Variants in PLCG2 observed in about 807,000 individuals in gnomAD.
The protein encoded by PLCG2 is phospholipase C gamma 2, also known as 1-phosphatidylinositol 4,5-bisphosphate phosphodiesterase gamma-2.
Under a neutral mutation model 175.6 loss-of-function variants are expected in PLCG2, and 69 were observed. The ratio of observed to expected loss-of-function variants is 0.39; its 90% CI spans 0.32 to 0.48. PLCG2 has a LOEUF of 0.48. Ranked by LOEUF, PLCG2 falls within the 20% of genes least tolerant of loss-of-function variation. PLCG2 has a pLI of 0.91. For missense variants in PLCG2, 1,798 were observed against 1,650.9 expected (o/e 1.09, Z -1.54); for synonymous variants, 827 against 624.0 (o/e 1.33, Z -4.85).
intron 31 of PLCG2, among the ~76,000 whole-genome samples, chr16:81,952,947 G>C (rs890895793): frequency 1.3e-5 from 2 of 152,172 alleles, no homozygotes; most frequent in Non-Finnish European, 2.9e-5. Context: ...ATCTTAATCA[G>C]ATGATCAACG....
chr16:81,811,525 C>T (rs1165144513), intron 2 of PLCG2, among the ~76,000 whole-genome samples: 2 of 152,024 alleles, frequency 1.3e-5, no homozygotes. Flanking sequence ...CTCTAGTCCC[C>T]CAACCCCTAA....
chr16:81,813,215 A>G (rs996974248), intron 2 of PLCG2, among the ~76,000 whole-genome samples: 9 of 152,210 alleles, frequency 5.9e-5, no homozygotes, highest in African/African-American at 1.2e-4. Flanking sequence ...AAGAAAGTCA[A>G]TGATAGCTTG....
chr16:81,925,884 T>G, intron 22 of PLCG2, among the ~76,000 whole-genome samples: 1 of 16,228 alleles, frequency 6.2e-5, no homozygotes. Flanking sequence ...AGACTCTGTC[T>G]CAAAAAAAAA....
intron 2 of PLCG2, among the ~76,000 whole-genome samples, chr16:81,769,077 T>C (rs770813310): frequency 2.6e-5 from 4 of 152,184 alleles, no homozygotes; most frequent in Non-Finnish European, 5.9e-5. Flanking sequence ...TGAATGAATT[T>C]CTTGACTGCA....
rs1460731393 is a variant in PLCG2, at chr16:81,750,663, A to T, written c.-144-5207A>T. ...TTAAAAAGCAGAATGGGGACTGGAG[A>T]TTTTTTTTTTTTTTTTTTTTTTGAG... On this transcript the variant is annotated intron_variant, in intron 1 of 5. Coordinates refer to the PLCG2 transcript ENST00000565054. Among the ~76,000 whole-genome samples, 48 of 68,460 alleles carry T rather than the reference A, an allele frequency of 7.0e-4. 2 individuals carry two copies. Among genetic ancestry groups the T allele is most frequent in the South Asian group, 1.4e-3 (2 of 1,432 alleles). 44.9% of individuals were successfully genotyped at this position (68,460 alleles called of 152,430 possible). A position where few individuals can be genotyped will look rare whatever the true frequency, so the allele number is the denominator to read the frequency against.
chr16:81,857,709 T>C (rs1458598896), intron 3 of PLCG2, among the ~76,000 whole-genome samples: 1 of 152,148 alleles, frequency 6.6e-6, no homozygotes, highest in Non-Finnish European at 1.5e-5. Context: ...TAAACCTAAA[T>C]ACCTCACAAA....
At chr16:81,800,460 G>A (rs1291897730) in intron 2 of PLCG2, among the ~76,000 whole-genome samples, 1 of 152,166 alleles carries the variant, frequency 6.6e-6, no homozygotes, top group Non-Finnish European at 1.5e-5. Context: ...TTGAGAACAT[G>A]CAGTGTTTGG....
At chr16:81,908,903 C>G (rs1016532278) in intron 17 of PLCG2, among the ~76,000 whole-genome samples, 22 of 152,336 alleles carry the variant, frequency 1.4e-4, no homozygotes, top group Admixed American at 7.8e-4. Flanking sequence ...ATGATGTGGT[C>G]TCACTCACTT....
intron 1 of PLCG2, among the ~76,000 whole-genome samples, chr16:81,746,306 G>A (rs1247085177): frequency 6.6e-6 from 1 of 152,220 alleles, no homozygotes; most frequent in African/African-American, 2.4e-5. Context: ...TGCCTTGAGT[G>A]CTTGAGTTTT....
rs1309385420 is a variant in PLCG2, at chr16:81,960,596, G to C, written c.*2598G>C. The C allele has an allele frequency of 4.3e-6, 1 of 231,814 alleles. No individual in the cohort carries two copies. Among genetic ancestry groups the C allele is most frequent in the East Asian group, 6.1e-5 (1 of 16,404 alleles). The allele number at this position is 231,814 out of a possible 1,614,324, so 14.4% of individuals were successfully genotyped here. On this transcript the variant is annotated 3_prime_UTR_variant, in exon 33 of 33. Coordinates refer to ENST00000564138, the MANE Select transcript of PLCG2 (RefSeq NM_002661.5). The stretch of plus-strand genomic sequence containing the variant: ...TAGATGTGCAGGAGTGAAAGGTGTA[G>C]AGGGTCTTGTTTTCCAAATTCGATC...
intron 2 of PLCG2, among the ~76,000 whole-genome samples, chr16:81,850,368 A>G (rs888364750): frequency 6.6e-6 from 1 of 152,232 alleles, no homozygotes; most frequent in African/African-American, 2.4e-5. Context: ...AACAAACAAA[A>G]AAGTTTCAGT....
intron 2 of PLCG2, among the ~76,000 whole-genome samples, chr16:81,847,537 C>T (rs1415217378): frequency 1.3e-5 from 2 of 152,044 alleles, no homozygotes; most frequent in African/African-American, 2.4e-5. Flanking sequence ...CAAAAAGATA[C>T]TTATCACTGC....
chr16:81,760,469 G>A (rs1910014623), intron 2 of PLCG2, among the ~76,000 whole-genome samples: 2 of 152,178 alleles, frequency 1.3e-5, no homozygotes, highest in South Asian at 2.1e-4. Context: ...GGGCAGAGCT[G>A]AGCGTCCCTA....
At chr16:81,917,109 A>T (rs1381356296) in intron 19 of PLCG2, among the ~76,000 whole-genome samples, 1 of 152,136 alleles carries the variant, frequency 6.6e-6, no homozygotes, top group Non-Finnish European at 1.5e-5. Flanking sequence ...CCGTGAGTTT[A>T]AACCTTTTTA....
chr16:81,852,641 G>A (rs1458386263), intron 2 of PLCG2, among the ~76,000 whole-genome samples: 3 of 152,154 alleles, frequency 2.0e-5, no homozygotes, highest in South Asian at 2.1e-4. Flanking sequence ...GTTGCAGAAC[G>A]GAAGGATTTC....
chr16:81,763,010 T>A (rs764208619), intron 2 of PLCG2, among the ~76,000 whole-genome samples: 4 of 152,178 alleles, frequency 2.6e-5, no homozygotes, highest in Non-Finnish European at 5.9e-5. Context: ...TGAGATATGA[T>A]CATGCCACTG....
At chr16:81,843,866 G>T (rs1017547265) in intron 2 of PLCG2, among the ~76,000 whole-genome samples, 8 of 152,318 alleles carry the variant, frequency 5.3e-5, no homozygotes, top group Admixed American at 2.0e-4. Flanking sequence ...GCCGTTGGTT[G>T]TGTGTCTAAC....
intron 31 of PLCG2, among the ~76,000 whole-genome samples, chr16:81,951,710 T>C (rs996639373): frequency 6.6e-6 from 1 of 152,208 alleles, no homozygotes; most frequent in Non-Finnish European, 1.5e-5. Context: ...AGCTGTTTAC[T>C]AGAAGAGCAA....
Position 81,836,923 on chromosome 16 carries a change from C to T in PLCG2, c.194-17521C>T, listed in dbSNP as rs372640955. ...CCCCTGCTGTGCACACGGGCATGTA[C>T]TCAGTGTTTCTGTGCATGTGGTTTC... is the stretch of plus-strand genomic sequence containing the variant. On this transcript the variant is annotated intron_variant, in intron 2 of 32. Transcript: ENST00000564138. Among the ~76,000 whole-genome samples the T allele has an allele frequency of 6.6e-5, 10 of 152,310 alleles. No individual in the cohort carries two copies. The South Asian group carries it at 2.1e-3, about 32-fold the overall frequency.
Sources: gnomAD v4.1 joint callset for allele counts (sites outside exome capture counted in the v4.1 genomes callset) on GRCh38, gnomAD v4.1.1 for gene constraint, MANE v1.5 for transcripts, NCBI Gene and HGNC (gene_info 2026-07-23, HGNC 2026-07-21) for gene names.